Variants in LHFPL3 observed in about 807,000 individuals in gnomAD.
LHFPL3 encodes the protein LHFPL tetraspan subfamily member 3 protein.
A neutral mutation model predicts 19.3 loss-of-function variants in LHFPL3; 5 were observed. The ratio of observed to expected loss-of-function variants is 0.26; its 90% CI spans 0.14 to 0.54. The LOEUF is 0.54. LHFPL3 is among the 20% of genes least tolerant of loss of function. LHFPL3 has a pLI of 0.94. For missense variants in LHFPL3, 249 were observed against 307.4 expected (o/e 0.81, Z 1.42); for synonymous variants, 133 against 126.2 (o/e 1.05, Z -0.36).
In LHFPL3 at chr7:104,614,653, C is replaced by CTTCTCTTCTCTCCTTCCT. The variant is rs1554415305; in HGVS notation, c.446-122021_446-122020insTCTCTTCTCTCCTTCCTT. Reference sequence around the variant, plus strand: ...CTTCTCTTCTCTTCTCTTCTCTTCTCTCCTTCCTTCCTTCCTTCCTTCCTT... The same window carrying CTTCTCTTCTCTCCTTCCT: ...CTTCTCTTCTCTTCTCTTCTCTTCTCTTCTCTTCTCTCCTTCCTTCCTTCCTTCCTTCCTTCCTTCCTT... On this transcript the variant is annotated intron_variant, in intron 1 of 2. Transcript: ENST00000424859. 3.1e-4 allele frequency among the ~76,000 whole-genome samples: 16 copies of CTTCTCTTCTCTCCTTCCT among 51,528 alleles called. 1 individual carries two copies. Among genetic ancestry groups the CTTCTCTTCTCTCCTTCCT allele is most frequent in the South Asian group, 1.2e-3 (1 of 850 alleles). 33.8% of individuals were successfully genotyped at this position (51,528 alleles called of 152,430 possible). A position where few individuals can be genotyped will look rare whatever the true frequency, so the allele number is the denominator to read the frequency against.
In LHFPL3 at chr7:104,908,526, A is replaced by G. The variant is rs1792663198; in HGVS notation, c.*2311A>G. The stretch of plus-strand genomic sequence containing the variant: ...GGAATACCTGAATTTCTGTAAAAAA[A>G]TAAAAATAAAAATAAGATTTTGTTA... On this transcript the variant is annotated 3_prime_UTR_variant, in exon 3 of 3. Coordinates refer to ENST00000424859, the MANE Select transcript of LHFPL3 (RefSeq NM_199000.3). 6.6e-6 allele frequency among the ~76,000 whole-genome samples: 1 copy of G among 152,224 alleles called. No individual in the cohort carries two copies. The highest frequency in any genetic ancestry group is 2.1e-4 in the South Asian group (1 of 4,832).
At chr7:104,850,251 G>A (rs549058452) in intron 2 of LHFPL3, among the ~76,000 whole-genome samples, 201 of 151,836 alleles carry the variant, frequency 1.3e-3, no homozygotes, top group Non-Finnish European at 2.4e-3. Flanking sequence ...GCGGTGAGCC[G>A]AGATCACACC....
At chr7:104,629,001 G>T (rs1003845310) in intron 1 of LHFPL3, among the ~76,000 whole-genome samples, 5 of 152,152 alleles carry the variant, frequency 3.3e-5, no homozygotes, top group African/African-American at 1.2e-4. Flanking sequence ...TTGCCTAAAT[G>T]TCTGAAAATA....
intron 1 of LHFPL3, among the ~76,000 whole-genome samples, chr7:104,675,788 C>T (rs1024198163): frequency 8.5e-5 from 13 of 152,098 alleles, no homozygotes; most frequent in Non-Finnish European, 1.5e-5. Flanking sequence ...AAAGACGGAT[C>T]AATTATTTTC....
chr7:104,612,449 A>G (rs1791229808), intron 1 of LHFPL3, among the ~76,000 whole-genome samples: 1 of 152,130 alleles, frequency 6.6e-6, no homozygotes, highest in Admixed American at 6.6e-5. Flanking sequence ...AACAAAACAA[A>G]ACAGTGCACA....
chr7:104,771,099 C>T (rs1038609825), intron 2 of LHFPL3, among the ~76,000 whole-genome samples: 2 of 152,176 alleles, frequency 1.3e-5, no homozygotes, highest in African/African-American at 4.8e-5. Flanking sequence ...CTTCCCAGCC[C>T]TTCCAGTTCT....
intron 1 of LHFPL3, among the ~76,000 whole-genome samples, chr7:104,379,307 C>A (rs1359817998): frequency 6.6e-6 from 1 of 152,180 alleles, no homozygotes; most frequent in African/African-American, 2.4e-5. Context: ...GAACAGTCTG[C>A]ACTTCTTGGG....
intron 1 of LHFPL3, among the ~76,000 whole-genome samples, chr7:104,723,063 A>G (rs2116253292): frequency 6.6e-6 from 1 of 152,304 alleles, no homozygotes; most frequent in South Asian, 2.1e-4. Flanking sequence ...TTTCCTTTGA[A>G]GAAAGACCCA....
At chr7:104,388,067 T>A (rs1790985061) in intron 1 of LHFPL3, among the ~76,000 whole-genome samples, 1 of 152,200 alleles carries the variant, frequency 6.6e-6, no homozygotes, top group African/African-American at 2.4e-5. Flanking sequence ...GTTAGTTTTC[T>A]TAGCATAATG....
intron 1 of LHFPL3, among the ~76,000 whole-genome samples, chr7:104,636,747 C>A (rs936567726): frequency 6.6e-6 from 1 of 152,164 alleles, no homozygotes; most frequent in Admixed American, 6.5e-5. Flanking sequence ...GCATAGTATT[C>A]CATGGTGTAT....
intron 1 of LHFPL3, among the ~76,000 whole-genome samples, chr7:104,650,779 C>A (rs1483794906): frequency 2.0e-5 from 3 of 152,090 alleles, no homozygotes; most frequent in Admixed American, 6.5e-5. Context: ...TGGGGAGATG[C>A]AAAAGAAGTC....
intron 1 of LHFPL3, among the ~76,000 whole-genome samples, chr7:104,588,311 A>G (rs1236075101): frequency 6.6e-6 from 1 of 152,160 alleles, no homozygotes; most frequent in Non-Finnish European, 1.5e-5. Context: ...TAAGGAAGGG[A>G]TCCAGTTTCA....
chr7:104,571,711 C>CT (rs1390722278), intron 1 of LHFPL3, among the ~76,000 whole-genome samples: 2 of 152,134 alleles, frequency 1.3e-5, no homozygotes, highest in Non-Finnish European at 2.9e-5. Context: ...TATTTCATTC[C>CT]TTTTTTTCTC....
intron 1 of LHFPL3, among the ~76,000 whole-genome samples, chr7:104,593,496 C>T (rs903343120): frequency 1.4e-4 from 21 of 151,926 alleles, no homozygotes; most frequent in Non-Finnish European, 2.8e-4. Flanking sequence ...TGTGTGGTGC[C>T]GAGAAGAATG....
At chr7:104,536,273 G>A (rs764075830) in intron 1 of LHFPL3, among the ~76,000 whole-genome samples, 19 of 152,134 alleles carry the variant, frequency 1.2e-4, no homozygotes, top group South Asian at 4.1e-4. Flanking sequence ...CATAAAGTCC[G>A]TGATGCAACT....
chr7:104,703,882 C>T (rs1444812232), intron 1 of LHFPL3, among the ~76,000 whole-genome samples: 2 of 152,126 alleles, frequency 1.3e-5, no homozygotes, highest in Non-Finnish European at 2.9e-5. Context: ...TGATCAATTG[C>T]TTTCAATTCT....
intron 1 of LHFPL3, among the ~76,000 whole-genome samples, chr7:104,538,712 C>T (rs985487694): frequency 6.6e-6 from 1 of 152,060 alleles, no homozygotes; most frequent in African/African-American, 2.4e-5. Context: ...TAAAGAATAG[C>T]AAAAGTGGGT....
At position 104,634,810 on chromosome 7, in the gene LHFPL3, G is replaced by A. The variant is rs542601349; in HGVS notation, c.446-101865G>A. On this transcript the variant is annotated intron_variant, in intron 1 of 2. Transcript: ENST00000424859. ...GCCCTTTAGTATACCAGCCTTGCCT[G>A]TACCCAGAGAACTTCAATCATTGGT... Among the ~76,000 whole-genome samples the A allele has an allele frequency of 1.2e-3, 176 of 152,252 alleles. No homozygotes were observed. The South Asian group carries it at 0.031, about 26-fold the overall frequency.
intron 1 of LHFPL3, among the ~76,000 whole-genome samples, chr7:104,378,232 T>C (rs1026814169): frequency 6.6e-6 from 1 of 152,216 alleles, no homozygotes; most frequent in African/African-American, 2.4e-5. Context: ...TTTGCAGTTA[T>C]CCCCTCATGC....
Sources: gnomAD v4.1 joint callset for allele counts (sites outside exome capture counted in the v4.1 genomes callset) on GRCh38, gnomAD v4.1.1 for gene constraint, MANE v1.5 for transcripts, NCBI Gene and HGNC (gene_info 2026-07-23, HGNC 2026-07-21) for gene names.